The following MAL variants were observed in gnomAD, a reference collection of about 807,000 sequenced individuals.
MAL encodes myelin and lymphocyte protein.
In MAL, 5 loss-of-function variants were observed where a neutral mutation model predicts 16.7. The ratio of observed to expected loss-of-function variants is 0.30; its 90% CI spans 0.16 to 0.63. The LOEUF (loss-of-function observed/expected upper bound fraction) is 0.63. Ranked by LOEUF, MAL falls within the 30% of genes least tolerant of loss-of-function variation. MAL has a pLI of 0.82. For missense variants in MAL, 202 were observed against 195.8 expected (o/e 1.03, Z -0.19); for synonymous variants, 96 against 85.5 (o/e 1.12, Z -0.67).
intron 1 of MAL, among the ~76,000 whole-genome samples, chr2:95,042,331 T>C (rs1251582810): frequency 6.6e-6 from 1 of 152,230 alleles, no homozygotes; most frequent in African/African-American, 2.4e-5. Context: ...CACGAGGCCT[T>C]GGCCAAGAGT....
chr2:95,031,440 A>G (rs1674076295), intron 1 of MAL, among the ~76,000 whole-genome samples: 2 of 152,200 alleles, frequency 1.3e-5, no homozygotes, highest in Non-Finnish European at 2.9e-5. Context: ...CAGGTTGAAG[A>G]ACCCGCATTG....
intron 1 of MAL, among the ~76,000 whole-genome samples, chr2:95,038,214 C>G (rs1176385177): frequency 4.0e-3 from 173 of 43,742 alleles, no homozygotes; most frequent in Middle Eastern, 0.038. Context: ...GTGAGTGACT[C>G]AGTGAGTGAG....
chr2:95,026,811 C>G (rs1673953708), intron 1 of MAL: 1 of 152,252 alleles, frequency 6.6e-6, no homozygotes, highest in African/African-American at 2.4e-5. Context: ...GCACCCCACC[C>G]TCAGAAGTGT....
rs1558662506 is a variant in MAL at position 95,049,679 on chromosome 2, GCACTA to G, written c.362_366del (p.His121ProfsTer2). The G allele has an allele frequency of 1.9e-6, 3 of 1,614,172 alleles. No homozygotes were observed. Among genetic ancestry groups the G allele is most frequent in the Non-Finnish European group, 1.7e-6 (2 of 1,180,012 alleles). ...CGATGCAAGACGGCTTCACCTACAG[GCACTA>G]CCATGAAAACATTGCTGCCGTGGTG... On this transcript the variant is annotated frameshift_variant, in exon 3 of 4. Transcript: ENST00000309988. LOFTEE classifies it high-confidence loss of function.
chr2:95,046,958 AAAGAAAGAAAG>A (rs1288474927), intron 1 of MAL, among the ~76,000 whole-genome samples: 8 of 150,114 alleles, frequency 5.3e-5, no homozygotes, highest in South Asian at 4.3e-4. Context: ...GAGAAAAAAG[AAAGAAAGAAAG>A]AAGAAAGAAA....
At chr2:95,036,542 T>C (rs1275746774) in intron 1 of MAL, among the ~76,000 whole-genome samples, 3 of 152,226 alleles carry the variant, frequency 2.0e-5, no homozygotes, top group Non-Finnish European at 4.4e-5. Flanking sequence ...TTGAATGAGA[T>C]CCATTTCCCT....
intron 1 of MAL, among the ~76,000 whole-genome samples, chr2:95,033,642 G>T (rs923992808): frequency 2.6e-5 from 4 of 152,130 alleles, no homozygotes; most frequent in African/African-American, 9.7e-5. Flanking sequence ...AGCCAACTAT[G>T]ATGGCTTGCA....
intron 1 of MAL, among the ~76,000 whole-genome samples, chr2:95,044,062 G>T (rs1450614696): frequency 6.6e-6 from 1 of 152,218 alleles, no homozygotes; most frequent in Non-Finnish European, 1.5e-5. Flanking sequence ...GGGTCCAAAA[G>T]GGGCACTGTG....
intron 1 of MAL, among the ~76,000 whole-genome samples, chr2:95,039,179 GGTGAGTGAGTGA>G (rs1674365417): frequency 2.1e-5 from 1 of 47,164 alleles, no homozygotes; most frequent in Non-Finnish European, 4.4e-5. Flanking sequence ...TGAGTGACTT[GGTGAGTGAGTGA>G]GTGACTGAGT....
At chr2:95,040,426 C>A (rs1194706608) in intron 1 of MAL, among the ~76,000 whole-genome samples, 2 of 152,134 alleles carry the variant, frequency 1.3e-5, no homozygotes, top group African/African-American at 2.4e-5. Context: ...CACATACATA[C>A]GCACAGAAAA....
intron 1 of MAL, among the ~76,000 whole-genome samples, chr2:95,046,510 C>T (rs1674588162): frequency 2.6e-5 from 4 of 152,302 alleles, no homozygotes; most frequent in South Asian, 2.1e-4. Context: ...GGAGTTTGTA[C>T]GTACCCATCC....
At chr2:95,035,548 G>A (rs1338587813) in intron 1 of MAL, among the ~76,000 whole-genome samples, 4 of 152,152 alleles carry the variant, frequency 2.6e-5, no homozygotes, top group Admixed American at 2.6e-4. Context: ...GGCAGCGTGT[G>A]CTATGGGAGA....
chr2:95,047,338 A>T (rs550638671), intron 1 of MAL, among the ~76,000 whole-genome samples: 1 of 152,348 alleles, frequency 6.6e-6, no homozygotes, highest in Admixed American at 6.5e-5. Flanking sequence ...AGAATCACTG[A>T]GTTATTATTT....
At chr2:95,036,362 C>T (rs1423538801) in intron 1 of MAL, among the ~76,000 whole-genome samples, 1 of 152,250 alleles carries the variant, frequency 6.6e-6, no homozygotes, top group Non-Finnish European at 1.5e-5. Flanking sequence ...GGCTCTGTAC[C>T]TGTCCTGTGT....
At chr2:95,051,733 G>A (rs181221795) in intron 3 of MAL, 16 of 152,272 alleles carry the variant, frequency 1.1e-4, no homozygotes, top group African/African-American at 2.4e-4. Context: ...AGACAGGAGC[G>A]TTAGAATTGA....
intron 3 of MAL, among the ~76,000 whole-genome samples, chr2:95,052,274 A>G (rs865814761): frequency 2.0e-5 from 3 of 152,078 alleles, no homozygotes; most frequent in Non-Finnish European, 4.4e-5. Flanking sequence ...CCATTTCTTG[A>G]CCCCACTTGG....
chr2:95,026,559 CTTGGG>C (rs1673944525), intron 1 of MAL: 1 of 151,734 alleles, frequency 6.6e-6, no homozygotes, highest in East Asian at 2.0e-4. Context: ...CTCGACTGAC[CTTGGG>C]CAGGCCCGGG....
At chr2:95,045,042 T>C (rs151139951) in intron 1 of MAL, among the ~76,000 whole-genome samples, 391 of 152,312 alleles carry the variant, frequency 2.6e-3, no homozygotes, top group Non-Finnish European at 4.7e-3. Context: ...TACAGTTAAT[T>C]TTTCCCAAAA....
intron 1 of MAL, chr2:95,026,619 G>A (rs1026707304): frequency 6.6e-6 from 1 of 152,054 alleles, no homozygotes; most frequent in Non-Finnish European, 1.5e-5. Flanking sequence ...CACGGTCTCT[G>A]CCTGAGGCTG....
Sources: gnomAD v4.1 joint callset for allele counts (sites outside exome capture counted in the v4.1 genomes callset) on GRCh38, gnomAD v4.1.1 for gene constraint, MANE v1.5 for transcripts, NCBI Gene and HGNC (gene_info 2026-07-23, HGNC 2026-07-21) for gene names.